The following AKAP7 variants were observed in gnomAD, a reference collection of about 807,000 sequenced individuals.
AKAP7 encodes the protein A-kinase anchoring protein 7.
Under a neutral mutation model 39.5 loss-of-function variants are expected in AKAP7, and 39 were observed. The ratio of observed to expected loss-of-function variants is 0.99; its 90% CI spans 0.76 to 1.29. The LOEUF (loss-of-function observed/expected upper bound fraction) is 1.29, where lower values mean the gene tolerates loss of function less well. Among genes scored for constraint, AKAP7 ranks in the 50% most tolerant of loss-of-function variants. The pLI, the probability that AKAP7 is intolerant of heterozygous loss-of-function variation, is 0.00. For missense variants in AKAP7, 414 were observed against 407.7 expected, an observed-to-expected ratio of 1.02 and a Z score of -0.13; for synonymous variants, 140 against 139.1, an observed-to-expected ratio of 1.01 and a Z score of -0.05.
chr6:131,250,289 A>G, intron 7 of AKAP7: 1 of 1,220,836 alleles, frequency 8.2e-7, no homozygotes, highest in Non-Finnish European at 1.0e-6. Flanking sequence ...CAGTTTTGTG[A>G]GAATACGGGA....
At chr6:131,221,747 C>G (rs889297999) in intron 7 of AKAP7, among the ~76,000 whole-genome samples, 2 of 152,126 alleles carry the variant, frequency 1.3e-5, no homozygotes, top group Admixed American at 1.3e-4. Context: ...AACAACGAAG[C>G]ATGGATGACA....
At chr6:131,202,679 C>T (rs1023285968) in intron 6 of AKAP7, among the ~76,000 whole-genome samples, 4 of 151,290 alleles carry the variant, frequency 2.6e-5, no homozygotes, top group South Asian at 4.2e-4. Context: ...TTAATGGGTG[C>T]AGCACACCAG....
At chr6:131,180,825 G>T (rs1288403917) in intron 5 of AKAP7, among the ~76,000 whole-genome samples, 10 of 96,774 alleles carry the variant, frequency 1.0e-4, no homozygotes, top group East Asian at 4.4e-4. Context: ...TTCTTTTTTT[G>T]TTTGTTTTGT....
chr6:131,248,105 G>T (rs1033292338), intron 7 of AKAP7, among the ~76,000 whole-genome samples: 2 of 152,122 alleles, frequency 1.3e-5, no homozygotes, highest in Non-Finnish European at 2.9e-5. Flanking sequence ...CAGCTAGTAG[G>T]GCACAAAATT....
chr6:131,136,458 A>G lies in AKAP7; in HGVS notation c.19+676A>G, dbSNP rs1800550448. 2.0e-5 allele frequency among the ~76,000 whole-genome samples: 3 copies of G among 152,240 alleles called. No individual in the cohort carries two copies. The South Asian group carries it at 6.2e-4, about 31-fold the overall frequency. On this transcript the variant is annotated intron_variant, in intron 1 of 7. Transcript: ENST00000431975. Reference sequence around the variant, plus strand: ...AAAAAGCATAAAAACGTTAAAGTGTACTATATAAATAGCAGTTAATCGTGT... The same window carrying G: ...AAAAAGCATAAAAACGTTAAAGTGTGCTATATAAATAGCAGTTAATCGTGT...
chr6:131,188,987 T>C (rs987073694), intron 5 of AKAP7, among the ~76,000 whole-genome samples: 3 of 152,204 alleles, frequency 2.0e-5, no homozygotes, highest in Non-Finnish European at 2.9e-5. Context: ...ACATTTAACC[T>C]ACCTGAAAAT....
In AKAP7 at chr6:131,160,079, A is replaced by T. The variant is rs747919596; in HGVS notation, c.172A>T (p.Asn58Tyr). ...DCGITDEPQI[N>Y]LKRSQENEWV... The stretch of plus-strand genomic sequence containing the variant: ...TCTAGTCACTGATGAACCTCAAATA[A>T]ATTTGAAGAGAAGTCAAGAAAATGA... Residue 58 changes from asparagine to tyrosine, a missense_variant, in exon 3 of 8, where the codon AAT (asparagine) becomes TAT (tyrosine). Transcript: ENST00000431975. 6 of 1,593,330 alleles carry T rather than the reference A, an allele frequency of 3.8e-6. No individual in the cohort carries two copies. The Admixed American group carries it at 1.1e-4, about 30-fold the overall frequency.
At chr6:131,211,714 A>C (rs1345585653) in intron 6 of AKAP7, among the ~76,000 whole-genome samples, 1 of 144,484 alleles carries the variant, frequency 6.9e-6, no homozygotes, top group African/African-American at 2.6e-5. Context: ...CGGAGGTTGC[A>C]GTGAGCCGAG....
At chr6:131,278,327 G>A (rs1001949145) in intron 7 of AKAP7, among the ~76,000 whole-genome samples, 2 of 152,304 alleles carry the variant, frequency 1.3e-5, no homozygotes, top group African/African-American at 4.8e-5. Flanking sequence ...CCAGTGGGAT[G>A]TTGCTTTGCT....
At chr6:131,244,845 A>T (rs1232255584) in intron 7 of AKAP7, among the ~76,000 whole-genome samples, 1 of 151,994 alleles carries the variant, frequency 6.6e-6, no homozygotes, top group Non-Finnish European at 1.5e-5. Flanking sequence ...AGAAAAAAAA[A>T]TTCTCTTTCC....
intron 1 of AKAP7, among the ~76,000 whole-genome samples, chr6:131,136,367 G>A (rs543697211): frequency 6.6e-5 from 10 of 152,290 alleles, no homozygotes; most frequent in Admixed American, 3.9e-4. Context: ...AAAAGGGTCC[G>A]CAAACCAATT....
At chr6:131,229,584 A>G (rs937399117) in intron 7 of AKAP7, among the ~76,000 whole-genome samples, 1 of 151,982 alleles carries the variant, frequency 6.6e-6, no homozygotes, top group African/African-American at 2.4e-5. Flanking sequence ...CCTGACCTCA[A>G]ATTATCCACC....
chr6:131,171,764 A>G (rs1476899211), intron 5 of AKAP7, among the ~76,000 whole-genome samples: 1 of 152,178 alleles, frequency 6.6e-6, no homozygotes, highest in African/African-American at 2.4e-5. Context: ...GGGAAACTGA[A>G]TTAATCCATA....
intron 1 of AKAP7, among the ~76,000 whole-genome samples, chr6:131,136,468 TAGC>T (rs1800551934): frequency 6.6e-6 from 1 of 152,216 alleles, no homozygotes; most frequent in African/African-American, 2.4e-5. Flanking sequence ...ACTATATAAA[TAGC>T]AGTTAATCGT....
chr6:131,172,719 A>G (rs142816811), intron 5 of AKAP7, among the ~76,000 whole-genome samples: 22 of 152,350 alleles, frequency 1.4e-4, no homozygotes, highest in African/African-American at 4.1e-4. Context: ...AAAAAATTGT[A>G]TAGGTACTTA....
rs144631098 is a variant in AKAP7, at chr6:131,162,143, C to T, written c.291+1945C>T. On this transcript the variant is annotated intron_variant, in intron 3 of 7. Coordinates refer to ENST00000431975, the MANE Select transcript of AKAP7 (RefSeq NM_016377.4). ...CTGTGTTATGGCTTCTTACCCCTTC[C>T]GGAGAAGACTGATGGGATGATGTGC... 3.1e-3 allele frequency among the ~76,000 whole-genome samples: 468 copies of T among 152,224 alleles called. 9 individuals carry two copies. In the East Asian group the frequency reaches 0.031, roughly 10 times the overall value.
chr6:131,154,333 A>G (rs1214797397), intron 2 of AKAP7, among the ~76,000 whole-genome samples: 3 of 152,174 alleles, frequency 2.0e-5, no homozygotes, highest in Non-Finnish European at 4.4e-5. Flanking sequence ...TCTTGAATCC[A>G]TTATTTAATA....
intron 7 of AKAP7, among the ~76,000 whole-genome samples, chr6:131,222,263 C>T (rs1001599657): frequency 1.1e-4 from 16 of 152,168 alleles, no homozygotes; most frequent in African/African-American, 3.6e-4. Context: ...CGGTGGCTCA[C>T]GCCTGTAATC....
At chr6:131,219,026 T>G (rs1809453228) in intron 6 of AKAP7, among the ~76,000 whole-genome samples, 1 of 152,324 alleles carries the variant, frequency 6.6e-6, no homozygotes, top group Admixed American at 6.5e-5. Flanking sequence ...CCCAGCACTT[T>G]GGGAGGCCGA....
Sources: allele counts gnomAD v4.1 joint callset (sites outside exome capture counted in the v4.1 genomes callset), GRCh38; gene constraint gnomAD v4.1.1; transcripts MANE v1.5; gene names NCBI Gene and HGNC (gene_info 2026-07-23, HGNC 2026-07-21).